The following PKIA variants were observed in gnomAD, a reference collection of about 807,000 sequenced individuals.
PKIA encodes PKI-alpha.
A neutral mutation model predicts 7.6 loss-of-function variants in PKIA; 4 were observed. That is an observed-to-expected ratio of 0.52 (90% CI 0.26 to 1.20). The LOEUF (loss-of-function observed/expected upper bound fraction) is 1.20. Among genes scored for constraint, PKIA ranks in the 50% most tolerant of loss-of-function variants. The pLI, the probability that PKIA is intolerant of heterozygous loss-of-function variation, is 0.13. For synonymous variants in PKIA, 21 were observed against 30.7 expected, an observed-to-expected ratio of 0.68 and a Z score of 1.04; for missense variants, 73 against 86.2, an observed-to-expected ratio of 0.85 and a Z score of 0.61.
intron 1 of PKIA, among the ~76,000 whole-genome samples, chr8:78,567,011 C>A (rs550446427): frequency 6.6e-6 from 1 of 152,136 alleles, no homozygotes; most frequent in African/African-American, 2.4e-5. Flanking sequence ...TAAGGTAAAG[C>A]AAACTCAAAT....
chr8:78,529,247 C>T (rs1806334033), intron 1 of PKIA, among the ~76,000 whole-genome samples: 1 of 151,900 alleles, frequency 6.6e-6, no homozygotes, highest in Admixed American at 6.6e-5. Context: ...CCTTTTTTTG[C>T]AAATTCATTG....
At chr8:78,542,905 G>A (rs369222610) in intron 1 of PKIA, among the ~76,000 whole-genome samples, 2 of 152,100 alleles carry the variant, frequency 1.3e-5, no homozygotes, top group East Asian at 3.9e-4. Context: ...TCCTTCAGGG[G>A]AAGGCTGTCA....
intron 2 of PKIA, among the ~76,000 whole-genome samples, chr8:78,580,966 A>G (rs1807792366): frequency 6.6e-6 from 1 of 152,048 alleles, no homozygotes; most frequent in African/African-American, 2.4e-5. Flanking sequence ...GTATGTATGT[A>G]TGTATGTCTA....
chr8:78,582,594 CT>C (rs1447439755), intron 2 of PKIA, among the ~76,000 whole-genome samples: 1 of 152,018 alleles, frequency 6.6e-6, no homozygotes, highest in Non-Finnish European at 1.5e-5. Flanking sequence ...TTTTTGTTTT[CT>C]TTTGATGTTC....
intron 1 of PKIA, among the ~76,000 whole-genome samples, chr8:78,539,755 G>T (rs1431970793): frequency 3.3e-5 from 5 of 151,790 alleles, no homozygotes; most frequent in African/African-American, 1.2e-4. Context: ...ATTAATTAAA[G>T]AAATCCTCAC....
intron 1 of PKIA, among the ~76,000 whole-genome samples, chr8:78,548,623 T>C (rs1806895458): frequency 6.6e-6 from 1 of 152,130 alleles, no homozygotes; most frequent in African/African-American, 2.4e-5. Flanking sequence ...CAAGGAAATT[T>C]GGTTTTCCTT....
At chr8:78,522,185 CCAT>C (rs1340117886) in intron 1 of PKIA, among the ~76,000 whole-genome samples, 1 of 151,914 alleles carries the variant, frequency 6.6e-6, no homozygotes, top group Non-Finnish European at 1.5e-5. Context: ...TATAACACCA[CCAT>C]ATTATCTTCC....
intron 2 of PKIA, among the ~76,000 whole-genome samples, chr8:78,592,770 A>G (rs1808132214): frequency 6.6e-6 from 1 of 152,166 alleles, no homozygotes; most frequent in Admixed American, 6.5e-5. Flanking sequence ...TTTTATATAT[A>G]CCTTCTCATG....
chr8:78,586,898 T>C (rs1438980227), intron 2 of PKIA, among the ~76,000 whole-genome samples: 1 of 152,124 alleles, frequency 6.6e-6, no homozygotes, highest in Non-Finnish European at 1.5e-5. Context: ...TTTGAGAGAG[T>C]TGTTAAGAAA....
chr8:78,572,096 A>G (rs560686709), intron 1 of PKIA, among the ~76,000 whole-genome samples: 9 of 152,092 alleles, frequency 5.9e-5, no homozygotes, highest in Non-Finnish European at 1.3e-4. Flanking sequence ...GTCTGCTATT[A>G]TTGTTTCAGA....
intron 2 of PKIA, among the ~76,000 whole-genome samples, chr8:78,584,953 A>G (rs1807913523): frequency 6.6e-6 from 1 of 152,028 alleles, no homozygotes; most frequent in African/African-American, 2.4e-5. Flanking sequence ...GAATAGAGTC[A>G]TAATAATAAT....
intron 2 of PKIA, among the ~76,000 whole-genome samples, chr8:78,596,439 A>G (rs1334440625): frequency 2.6e-5 from 4 of 151,910 alleles, no homozygotes; most frequent in Non-Finnish European, 5.9e-5. Context: ...GGATTTCACC[A>G]TGTTGGTCAG....
chr8:78,570,224 G>A (rs1317383558), intron 1 of PKIA, among the ~76,000 whole-genome samples: 1 of 152,078 alleles, frequency 6.6e-6, no homozygotes. Flanking sequence ...AGATATTCAT[G>A]CCGAGGCACA....
chr8:78,535,363 T>C (rs888921508), intron 1 of PKIA: 3 of 152,152 alleles, frequency 2.0e-5, no homozygotes, highest in Non-Finnish European at 4.4e-5. Context: ...TTTCCTTCTT[T>C]TTTCTGTTTC....
chr8:78,533,604 C>T (rs529336386), intron 1 of PKIA, among the ~76,000 whole-genome samples: 4 of 152,176 alleles, frequency 2.6e-5, no homozygotes, highest in African/African-American at 9.6e-5. Flanking sequence ...CATCTATAAT[C>T]CCAGCACTTT....
intron 1 of PKIA, chr8:78,535,753 T>A (rs1806505668): frequency 6.6e-6 from 1 of 152,078 alleles, no homozygotes; most frequent in African/African-American, 2.4e-5. Flanking sequence ...AAATAAAAGA[T>A]AACTATTACA....
At chr8:78,519,415 G>A (rs1403507246) in intron 1 of PKIA, among the ~76,000 whole-genome samples, 1 of 152,070 alleles carries the variant, frequency 6.6e-6, no homozygotes, top group Non-Finnish European at 1.5e-5. Flanking sequence ...TTCAACCAGG[G>A]CAACAGAATG....
At chr8:78,573,614 G>T (rs1807607666) in intron 2 of PKIA, among the ~76,000 whole-genome samples, 1 of 151,838 alleles carries the variant, frequency 6.6e-6, no homozygotes, top group Admixed American at 6.6e-5. Flanking sequence ...ATAATAAGTG[G>T]CTCATCTTCT....
chr8:78,568,743 G>A (rs1444236359), intron 1 of PKIA, among the ~76,000 whole-genome samples: 1 of 152,114 alleles, frequency 6.6e-6, no homozygotes, highest in Non-Finnish European at 1.5e-5. Context: ...CTTAGCCAAA[G>A]TATGAGAAAA....
Sources: gnomAD v4.1 joint callset for allele counts (sites outside exome capture counted in the v4.1 genomes callset) on GRCh38, gnomAD v4.1.1 for gene constraint, MANE v1.5 for transcripts, NCBI Gene and HGNC (gene_info 2026-07-23, HGNC 2026-07-21) for gene names.